GCDH: variants seen among roughly 807,000 people sequenced by gnomAD.
GCDH encodes the protein glutaryl-CoA dehydrogenase, also known as glutaryl-CoA dehydrogenase, mitochondrial.
GCDH carries 31 observed loss-of-function variants against 52.8 expected under a neutral mutation model. The observed-to-expected ratio is 0.59, with a 90% CI of 0.44 to 0.79. The LOEUF is 0.79. GCDH is among the 30% of genes least tolerant of loss of function. The pLI is 0.00. For missense variants in GCDH, 509 were observed against 595.0 expected, an observed-to-expected ratio of 0.86 and a Z score of 1.50; for synonymous variants, 242 against 250.0, an observed-to-expected ratio of 0.97 and a Z score of 0.30.
intron 6 of GCDH, chr19:12,894,986 C>G (rs1257860233): frequency 3.6e-6 from 1 of 281,142 alleles, no homozygotes; most frequent in East Asian, 8.0e-5. Context: ...TCTCTGGCCA[C>G]TCATGTGATC....
rs1038929963 is a variant in GCDH at position 12,896,563 on chromosome 19, G to T, written c.852+142G>T. On this transcript the variant is annotated intron_variant, in intron 8 of 11. Transcript: ENST00000222214. The surrounding 1 kb of genome is among the most constrained non-coding windows in gnomAD (Gnocchi z 5.5). Reference sequence around the variant, plus strand: ...TTCTTACTCAGCCGGACTCGCTGACGTGCTGAAAACTGCCCCCATTTGGTG... The same window carrying T: ...TTCTTACTCAGCCGGACTCGCTGACTTGCTGAAAACTGCCCCCATTTGGTG... 2 of 761,426 alleles carry T rather than the reference G, an allele frequency of 2.6e-6. No individual in the cohort carries two copies. The highest frequency in any genetic ancestry group is 1.7e-5 in the African/African-American group (1 of 58,446). The allele number at this position is 761,426 out of a possible 1,614,324, so 47.2% of individuals were successfully genotyped here.
chr19:12,898,787 A>T (rs953450495), intron 11 of GCDH: 28 of 164,576 alleles, frequency 1.7e-4, no homozygotes, highest in Admixed American at 2.3e-4. Context: ...ATCTATATTT[A>T]AAAAAAATAG....
chr19:12,897,693 C>T lies in GCDH; in HGVS notation c.1083-10C>T, dbSNP rs756372984. The T allele has an allele frequency of 1.2e-5, 20 of 1,613,548 alleles. No individual in the cohort carries two copies. The highest frequency in any genetic ancestry group is 1.7e-5 in the Non-Finnish European group (20 of 1,179,806). On this transcript the variant is annotated splice_polypyrimidine_tract_variant and intron_variant, in intron 10 of 11. Transcript: ENST00000222214. ...CCCCAGTCCTTGTTACCCTCATGTGCCACTCCCAGGGCTGCCCCCGAGATG... is the reference window on the plus strand; with the variant it reads ...CCCCAGTCCTTGTTACCCTCATGTGTCACTCCCAGGGCTGCCCCCGAGATG...
In GCDH at chr19:12,896,385, AGAG is replaced by A; in HGVS notation, c.820_822del (p.Glu274del). 6.2e-7 allele frequency: 1 copy of A among 1,614,046 alleles called. No homozygotes were observed. Among genetic ancestry groups the A allele is most frequent in the Non-Finnish European group, 8.5e-7 (1 of 1,180,002 alleles). On this transcript the variant is annotated inframe_deletion, in exon 8 of 12. Coordinates refer to ENST00000222214, the MANE Select transcript of GCDH (RefSeq NM_000159.4). This position sits in a 1 kb window ranked among gnomAD's most constrained non-coding sequence, Gnocchi z 5.5. ...TCATCATGGACGGTGTGGAGGTGCC[AGAG>A]GAGAATGTGCTCCCTGGTGCATCCA...
chr19:12,897,000 T>C lies in GCDH; in HGVS notation c.943T>C (p.Tyr315His), dbSNP rs1970696413. 1 of 1,611,778 alleles carries C rather than the reference T, an allele frequency of 6.2e-7. No individual in the cohort carries two copies. Among genetic ancestry groups the C allele is most frequent in the Non-Finnish European group, 8.5e-7 (1 of 1,179,324 alleles). Reference sequence around the variant, plus strand: ...GTTCTGCTTGCACACAGCCCGGCAGTACGCCCTCGACAGGTGTGTGAGGGC... The same window carrying C: ...GTTCTGCTTGCACACAGCCCGGCAGCACGCCCTCGACAGGTGTGTGAGGGC... ...SEFCLHTARQYALDRMQFGVP... is the reference protein window; with the variant it reads ...SEFCLHTARQHALDRMQFGVP... The change falls in exon 9 of 12, where the codon TAC (tyrosine) becomes CAC (histidine). Residue 315 changes from tyrosine (Y) to histidine (H), a missense_variant. Tyr to His is a moderately conservative substitution (Grantham distance 83). Coordinates refer to ENST00000222214, the MANE Select transcript of GCDH (RefSeq NM_000159.4). The surrounding 1 kb of genome is among the most constrained non-coding windows in gnomAD (Gnocchi z 5.5).
At position 12,898,077 on chromosome 19, in the gene GCDH, A is replaced by G. The variant is rs74464283; in HGVS notation, c.1243+214A>G. Reference sequence around the variant, plus strand: ...TCATGCAGCACACAGAGGCCCCATCAGGCCTTGCGAGGGGCTCCCAGCTCT... The same window carrying G: ...TCATGCAGCACACAGAGGCCCCATCGGGCCTTGCGAGGGGCTCCCAGCTCT... On this transcript the variant is annotated intron_variant, in intron 11 of 11. Transcript: ENST00000222214. 219 of 579,482 alleles carry G rather than the reference A, an allele frequency of 3.8e-4. 1 individual carries two copies. Among genetic ancestry groups the G allele is most frequent in the African/African-American group, 3.2e-3 (171 of 53,714 alleles). 35.9% of individuals were successfully genotyped at this position (579,482 alleles called of 1,614,324 possible).
In GCDH at chr19:12,899,984, G is replaced by C; in HGVS notation, c.*443G>C. 1 of 1,612,886 alleles carries C rather than the reference G, an allele frequency of 6.2e-7. No individual in the cohort carries two copies. The highest frequency in any genetic ancestry group is 8.5e-7 in the Non-Finnish European group (1 of 1,179,958). ...TGCACATCTGACCCCAAGGTGTCAG[G>C]CCGGTTTACTGGTAACCACCTGAGA... On this transcript the variant is annotated 3_prime_UTR_variant, in exon 12 of 12. Transcript: ENST00000222214.
In GCDH at chr19:12,897,297, A is replaced by G. The variant is rs748270195; in HGVS notation, c.957-6A>G. 1.2e-6 allele frequency: 2 copies of G among 1,613,624 alleles called. No homozygotes were observed. The highest frequency in any genetic ancestry group is 1.1e-5 in the South Asian group (1 of 91,074). On this transcript the variant is annotated splice_region_variant and splice_polypyrimidine_tract_variant and intron_variant, in intron 9 of 11. Transcript: ENST00000222214. ...CCTCGCTCTTACCCTGCCATTGCCC[A>G]TGTAGGATGCAGTTTGGTGTCCCAC...
At chr19:12,893,961 G>A in intron 6 of GCDH, 1 of 581,504 alleles carries the variant, frequency 1.7e-6, no homozygotes, top group Non-Finnish European at 3.1e-6. Flanking sequence ...AGCACTTTGG[G>A]AGGGTGAAGT....
At chr19:12,897,089 C>T in intron 9 of GCDH, 76 bp downstream of exon 9, 2 of 1,267,444 alleles carry the variant, frequency 1.6e-6, no homozygotes, top group Non-Finnish European at 2.3e-6. Flanking sequence ...ATGGGTGACT[C>T]CCCAGCCCCC....
In GCDH at chr19:12,899,705, C is replaced by T. The variant is rs1322051064; in HGVS notation, c.*164C>T. 5 of 1,612,164 alleles carry T rather than the reference C, an allele frequency of 3.1e-6. No homozygotes were observed. Among genetic ancestry groups the T allele is most frequent in the Admixed American group, 3.3e-5 (2 of 59,988 alleles). ...TCAAAATTTCCCTTCTGAAGTCGTT[C>T]AGATGTGTTCCTTAAAAAGAAGATG... On this transcript the variant is annotated 3_prime_UTR_variant, in exon 12 of 12. Coordinates refer to ENST00000222214, the MANE Select transcript of GCDH (RefSeq NM_000159.4).
At chr19:12,897,175 C>T in intron 9 of GCDH, 128 bp from the exon 10 acceptor site, 1 of 1,321,222 alleles carries the variant, frequency 7.6e-7, no homozygotes, top group Non-Finnish European at 1.1e-6. Flanking sequence ...GAGTCAACGG[C>T]AGGGCCAGGG....
Position 12,891,402 on chromosome 19 carries a change from G to T in GCDH, c.91+7G>T. On this transcript the variant is annotated splice_region_variant and intron_variant, in intron 2 of 11. Coordinates refer to ENST00000222214, the MANE Select transcript of GCDH (RefSeq NM_000159.4). ...TCGTCGGCGGCGCAGACCGGTCAGTGTGGGGTCGGGAGTGTGGAGGGAAGG... is the reference window on the plus strand; with the variant it reads ...TCGTCGGCGGCGCAGACCGGTCAGTTTGGGGTCGGGAGTGTGGAGGGAAGG... 6.2e-7 allele frequency: 1 copy of T among 1,614,200 alleles called. No homozygotes were observed. Among genetic ancestry groups the T allele is most frequent in the South Asian group, 1.1e-5 (1 of 91,088 alleles).
Position 12,897,734 on chromosome 19 carries a change from A to C in GCDH, c.1114A>C (p.Arg372=), listed in dbSNP as rs771924230. The C allele has an allele frequency of 5.0e-6, 8 of 1,613,926 alleles. No individual in the cohort carries two copies. The highest frequency in any genetic ancestry group is 5.9e-6 in the Non-Finnish European group (7 of 1,179,954). Reference sequence around the variant, plus strand: ...CCCCGAGATGGTTTCTCTGCTGAAGAGGAATAACTGTGGGAAAGCCCTGGA... The same window carrying C: ...CCCCGAGATGGTTTCTCTGCTGAAGCGGAATAACTGTGGGAAAGCCCTGGA... ...AAPEMVSLLK[R]NNCGKALDIA... The change falls in exon 11 of 12, where the codon AGG becomes CGG. Residue 372 remains arginine, a synonymous_variant. Transcript: ENST00000222214.
intron 6 of GCDH, chr19:12,895,011 T>C: frequency 4.1e-6 from 1 of 241,180 alleles, no homozygotes; most frequent in Non-Finnish European, 7.9e-6. Flanking sequence ...CAGCCAGACT[T>C]AGCTACTTGA....
rs2145944531 is a variant in GCDH at position 12,893,613 on chromosome 19, T to C, written c.465T>C (p.Tyr155=). The C allele has an allele frequency of 1.2e-6, 2 of 1,614,122 alleles. No homozygotes were observed. The highest frequency in any genetic ancestry group is 8.5e-7 in the Non-Finnish European group (1 of 1,180,008). ...TCGTCATGCACCCTATCTATGCCTATGGCAGCGAGGAACAGCGGCAGAAGT... is the reference window on the plus strand; with the variant it reads ...TCGTCATGCACCCTATCTATGCCTACGGCAGCGAGGAACAGCGGCAGAAGT... ...SSLVMHPIYA[Y]GSEEQRQKYL... The change falls in exon 6 of 12, where the codon TAT becomes TAC. Residue 155 remains tyrosine (Y), a synonymous_variant. Transcript: ENST00000222214.
chr19:12,896,082 C>T lies in GCDH; in HGVS notation c.596C>T (p.Ser199Leu), dbSNP rs1970669938. ...ATGGAGACCAGAGCCCACTACAACT[C>T]ATCCAACAAGAGCTACACCCTCAAT... ...SSMETRAHYN[S>L]SNKSYTLNGT... is the part of the protein sequence containing the mutation. Residue 199 changes from serine (S) to leucine (L), a missense_variant, in exon 7 of 12, where the codon TCA becomes TTA. Coordinates refer to ENST00000222214, the MANE Select transcript of GCDH (RefSeq NM_000159.4). This position sits in a 1 kb window ranked among gnomAD's most constrained non-coding sequence, Gnocchi z 5.5. 1 of 1,614,120 alleles carries T rather than the reference C, an allele frequency of 6.2e-7. No individual in the cohort carries two copies. The highest frequency in any genetic ancestry group is 8.5e-7 in the Non-Finnish European group (1 of 1,180,008).
At position 12,899,756 on chromosome 19, in the gene GCDH, C is replaced by T. The variant is rs776377648; in HGVS notation, c.*215C>T. 6.2e-7 allele frequency: 1 copy of T among 1,609,136 alleles called. No homozygotes were observed. On this transcript the variant is annotated 3_prime_UTR_variant, in exon 12 of 12. Transcript: ENST00000222214. The stretch of plus-strand genomic sequence containing the variant: ...GAATTCTCTGTAGAGCGTCTCAATC[C>T]ACTTTTAACCATGGATGAGAGCAGA...
chr19:12,899,866 C>T lies in GCDH; in HGVS notation c.*325C>T. On this transcript the variant is annotated 3_prime_UTR_variant, in exon 12 of 12. Coordinates refer to ENST00000222214, the MANE Select transcript of GCDH (RefSeq NM_000159.4). ...GTCTGCTGCAGCTGACCCCCTCACA[C>T]TGAGTTCACAGTGCGCCCTCCCTCC... The T allele has an allele frequency of 1.3e-6, 2 of 1,590,882 alleles. No individual in the cohort carries two copies. Among genetic ancestry groups the T allele is most frequent in the Non-Finnish European group, 1.7e-6 (2 of 1,161,698 alleles).
Sources: allele counts gnomAD v4.1 joint callset, GRCh38; gene constraint gnomAD v4.1.1; non-coding constraint Gnocchi (gnomAD v3.1); transcripts MANE v1.5; gene names NCBI Gene and HGNC (gene_info 2026-07-23, HGNC 2026-07-21).